MS4A4E: variants seen among roughly 807,000 people sequenced by gnomAD.
MS4A4E encodes the protein membrane spanning 4-domains A4E.
A neutral mutation model predicts 13.3 loss-of-function variants in MS4A4E; 23 were observed. That is an observed-to-expected ratio of 1.73 (90% CI 1.25 to 2.45). MS4A4E has a LOEUF of 2.45. MS4A4E is among the 30% of genes most tolerant of loss of function. MS4A4E has a pLI of 0.00. For synonymous variants in MS4A4E, 36 were observed against 45.6 expected, an observed-to-expected ratio of 0.79 and a Z score of 0.85; for missense variants, 144 against 131.2, an observed-to-expected ratio of 1.10 and a Z score of -0.48.
Position 60,214,623 on chromosome 11 carries a change from A to G in MS4A4E, c.179-9T>C. On this transcript the variant is annotated splice_polypyrimidine_tract_variant and intron_variant, in intron 3 of 8. Coordinates refer to ENST00000651255, the MANE Select transcript of MS4A4E (RefSeq NM_001393391.1). ...TGCAACTGATAAGGATACTGAAATA[A>G]TAAAATAAGAATGAGAGAAAAAAAT... The G allele has an allele frequency of 6.6e-7, 1 of 1,511,770 alleles. No individual in the cohort carries two copies. The highest frequency in any genetic ancestry group is 8.8e-7 in the Non-Finnish European group (1 of 1,132,240). The allele number at this position is 1,511,770 out of a possible 1,614,324, so 93.6% of individuals were successfully genotyped here.
At chr11:60,235,795 T>G (rs2084475800) in intron 1 of MS4A4E, among the ~76,000 whole-genome samples, 1 of 152,234 alleles carries the variant, frequency 6.6e-6, no homozygotes, top group African/African-American at 2.4e-5. Flanking sequence ...CCTGCTATTT[T>G]ATTTTATCTC....
At chr11:60,225,958 G>A (rs1273084256) in intron 3 of MS4A4E, among the ~76,000 whole-genome samples, 2 of 151,866 alleles carry the variant, frequency 1.3e-5, no homozygotes, top group African/African-American at 2.4e-5. Context: ...TTACTCATAA[G>A]TGAAAGGGGG....
chr11:60,243,061 C>A lies in MS4A4E; in HGVS notation c.-120G>T. 9.6e-7 allele frequency: 1 copy of A among 1,045,420 alleles called. No individual in the cohort carries two copies. 64.8% of individuals were successfully genotyped at this position (1,045,420 alleles called of 1,614,324 possible). ...CAGACACAGTCAGCTTCCCCCACTC[C>A]ACACCTCACTCAGTTTAAATCTGCA... is the stretch of plus-strand genomic sequence containing the variant. On this transcript the variant is annotated 5_prime_UTR_variant, in exon 1 of 9. Coordinates refer to ENST00000651255, the MANE Select transcript of MS4A4E (RefSeq NM_001393391.1).
chr11:60,206,578 G>C (rs2084051817), intron 6 of MS4A4E: 1 of 154,304 alleles, frequency 6.5e-6, no homozygotes, highest in South Asian at 1.9e-4. Context: ...ATGTCTATCA[G>C]TATTGGAGTT....
At chr11:60,230,184 A>C in intron 1 of MS4A4E, 113 bp from the exon 2 acceptor site, 2 of 1,176,436 alleles carry the variant, frequency 1.7e-6, no homozygotes, top group Non-Finnish European at 2.3e-6. Context: ...TTCCCCTCCA[A>C]TATTATAACA....
At chr11:60,230,746 C>A (rs1184565120) in intron 1 of MS4A4E, among the ~76,000 whole-genome samples, 2 of 152,148 alleles carry the variant, frequency 1.3e-5, no homozygotes, top group Non-Finnish European at 2.9e-5. Flanking sequence ...ACTTTTATGC[C>A]TCTGTCTCTC....
chr11:60,221,816 G>T (rs899177053), intron 3 of MS4A4E, among the ~76,000 whole-genome samples: 2 of 152,202 alleles, frequency 1.3e-5, no homozygotes, highest in Non-Finnish European at 2.9e-5. Flanking sequence ...GAAGATATTT[G>T]TATTTCATGT....
chr11:60,214,631 A>G lies in MS4A4E; in HGVS notation c.179-17T>C, dbSNP rs1472487593. On this transcript the variant is annotated splice_polypyrimidine_tract_variant and intron_variant, in intron 3 of 8. Transcript: ENST00000651255. ...ATAAGGATACTGAAATAATAAAATA[A>G]GAATGAGAGAAAAAAATGGAGATAA... The G allele has an allele frequency of 1.3e-6, 2 of 1,487,748 alleles. No individual in the cohort carries two copies. The highest frequency in any genetic ancestry group is 1.8e-6 in the Non-Finnish European group (2 of 1,115,098). The allele number at this position is 1,487,748 out of a possible 1,614,324, so 92.2% of individuals were successfully genotyped here.
At chr11:60,239,875 C>G (rs2084527537) in intron 1 of MS4A4E, among the ~76,000 whole-genome samples, 1 of 152,314 alleles carries the variant, frequency 6.6e-6, no homozygotes, top group Middle Eastern at 3.4e-3. Context: ...TAAACTGAAT[C>G]CATACCCTCA....
At chr11:60,217,687 C>T (rs1479999091) in intron 3 of MS4A4E, among the ~76,000 whole-genome samples, 2 of 152,180 alleles carry the variant, frequency 1.3e-5, no homozygotes, top group African/African-American at 4.8e-5. Context: ...TTACTGCAAT[C>T]TCTAAACATA....
At chr11:60,222,816 G>A (rs2084287635) in intron 3 of MS4A4E, among the ~76,000 whole-genome samples, 1 of 152,170 alleles carries the variant, frequency 6.6e-6, no homozygotes, top group African/African-American at 2.4e-5. Flanking sequence ...TAAGAAGGGA[G>A]TTACAGTGTT....
At chr11:60,230,567 T>C (rs1281451010) in intron 1 of MS4A4E, among the ~76,000 whole-genome samples, 1 of 152,190 alleles carries the variant, frequency 6.6e-6, no homozygotes, top group African/African-American at 2.4e-5. Context: ...ACCTTGTATT[T>C]TGTCCCATAA....
chr11:60,202,254 TGAA>T (rs1487778343), intron 8 of MS4A4E, among the ~76,000 whole-genome samples: 9 of 152,186 alleles, frequency 5.9e-5, no homozygotes, highest in Non-Finnish European at 8.8e-5. Flanking sequence ...CTTGAAGATT[TGAA>T]GAAGATTTAT....
intron 1 of MS4A4E, among the ~76,000 whole-genome samples, chr11:60,236,592 C>T (rs542059524): frequency 6.6e-6 from 1 of 151,982 alleles, no homozygotes; most frequent in African/African-American, 2.4e-5. Flanking sequence ...TTATTCAGTG[C>T]TAGCATATAG....
intron 1 of MS4A4E, among the ~76,000 whole-genome samples, chr11:60,231,973 AG>A (rs1268114138): frequency 1.8e-5 from 1 of 55,222 alleles, no homozygotes; most frequent in East Asian, 5.7e-4. Flanking sequence ...GAAAAGTTAA[AG>A]ATAAAGTGCA....
At chr11:60,208,525 T>C (rs575524918) in intron 6 of MS4A4E, 68 bp downstream of exon 6, 39 of 572,926 alleles carry the variant, frequency 6.8e-5, no homozygotes, top group African/African-American at 6.2e-4. Context: ...AGACTATAAG[T>C]TTGTTTAACT....
chr11:60,221,178 C>T (rs767575644), intron 3 of MS4A4E, among the ~76,000 whole-genome samples: 4 of 152,160 alleles, frequency 2.6e-5, no homozygotes, highest in Admixed American at 6.6e-5. Flanking sequence ...AGAAACTAAA[C>T]GGTTGGCTAT....
intron 3 of MS4A4E, chr11:60,225,123 T>C: frequency 6.7e-7 from 1 of 1,484,582 alleles, no homozygotes; most frequent in South Asian, 1.3e-5. Context: ...AAACTGATTA[T>C]CCACCACAAA....
In MS4A4E at chr11:60,201,609, C is replaced by T. The variant is rs907119928; in HGVS notation, c.930G>A (p.Ala310=). The part of the protein sequence containing the change: ...PAAIPSRKWG[A]PLPGHHPIWE... ...AGATGGGATGGTGGCCGGGAAGAGG[C>T]GCTCCCCACTTCCTAGATGGGATGG... is the stretch of plus-strand genomic sequence containing the variant. Residue 310 remains alanine, a synonymous_variant, in exon 9 of 9, where the codon GCG becomes GCA. Transcript: ENST00000651255. 5.1e-5 allele frequency: 16 copies of T among 314,878 alleles called. No individual in the cohort carries two copies. Among genetic ancestry groups the T allele is most frequent in the Admixed American group, 2.1e-4 (5 of 23,848 alleles). 19.5% of individuals were successfully genotyped at this position (314,878 alleles called of 1,614,324 possible).
Sources: gnomAD v4.1 joint callset for allele counts (sites outside exome capture counted in the v4.1 genomes callset) on GRCh38, gnomAD v4.1.1 for gene constraint, MANE v1.5 for transcripts, NCBI Gene and HGNC (gene_info 2026-07-23, HGNC 2026-07-21) for gene names.